Variants in ADGRL1 observed in about 807,000 individuals in gnomAD.
ADGRL1 encodes the protein CIRL-1.
Under a neutral mutation model 148.9 loss-of-function variants are expected in ADGRL1, and 31 were observed. That is an observed-to-expected ratio of 0.21 (90% confidence interval 0.16 to 0.28). ADGRL1 has a LOEUF of 0.28. ADGRL1 is among the 10% of genes least tolerant of loss of function. The pLI, the probability that ADGRL1 is intolerant of heterozygous loss-of-function variation, is 1.00. For synonymous variants in ADGRL1, 937 were observed against 900.3 expected, an observed-to-expected ratio of 1.04 and a Z score of -0.73; for missense variants, 1,521 against 2,058.8, an observed-to-expected ratio of 0.74 and a Z score of 5.05.
At position 14,157,513 on chromosome 19, in the gene ADGRL1, C is replaced by G; in HGVS notation, c.2536-53G>C. The G allele has an allele frequency of 6.4e-6, 10 of 1,566,988 alleles. No homozygotes were observed. Among genetic ancestry groups the G allele is most frequent in the Non-Finnish European group, 7.9e-6 (9 of 1,140,400 alleles). ...AGGGCCTTTGGTTTTGCACGCTGGG[C>G]TCAGCCAGGTGCCAGCCACAGACAG... On this transcript the variant is annotated intron_variant, in intron 13 of 22. Coordinates refer to ENST00000361434, the MANE Select transcript of ADGRL1 (RefSeq NM_014921.5). This position sits in a 1 kb window ranked among gnomAD's most constrained non-coding sequence, Gnocchi z 7.5.
intron 1 of ADGRL1, among the ~76,000 whole-genome samples, chr19:14,194,923 C>T (rs1341008392): frequency 1.6e-4 from 23 of 148,230 alleles, no homozygotes; most frequent in Admixed American, 1.4e-4. Context: ...CTTGCTGTGT[C>T]GCCCAGGCTG....
At chr19:14,177,881 T>C in intron 2 of ADGRL1, 137 bp from the exon 3 acceptor site, 6 of 700,382 alleles carry the variant, frequency 8.6e-6, no homozygotes, top group Non-Finnish European at 1.4e-5. Context: ...TTGATTCAGC[T>C]GTAGAATGGG....
Position 14,159,226 on chromosome 19 carries a change from A to G in ADGRL1, c.2024-11T>C. The G allele has an allele frequency of 6.2e-7, 1 of 1,613,872 alleles. No individual in the cohort carries two copies. Among genetic ancestry groups the G allele is most frequent in the Non-Finnish European group, 8.5e-7 (1 of 1,179,848 alleles). ...CTGTGACCTCCAGGACTGTGGGGAC[A>G]GGGGAAGGCAAGGCATACACAGTTG... On this transcript the variant is annotated splice_polypyrimidine_tract_variant and intron_variant, in intron 10 of 22. Transcript: ENST00000361434. This position sits in a 1 kb window ranked among gnomAD's most constrained non-coding sequence, Gnocchi z 6.0.
At chr19:14,166,612 G>T (rs1055352176) in intron 4 of ADGRL1, among the ~76,000 whole-genome samples, 1 of 151,932 alleles carries the variant, frequency 6.6e-6, no homozygotes, top group Non-Finnish European at 1.5e-5. Flanking sequence ...CAGCTCACCC[G>T]GTGCCCCAGT....
Position 14,163,007 on chromosome 19 carries a change from A to G in ADGRL1, c.794T>C (p.Leu265Pro), listed in dbSNP as rs1184716747. 6.2e-7 allele frequency: 1 copy of G among 1,614,052 alleles called. No individual in the cohort carries two copies. Reference sequence around the variant, plus strand: ...CCACAGCCCGTTCTCGTCCACCGCCAGGTCAATGTCGGTCTTTCCGCCCCA... The same window carrying G: ...CCACAGCCCGTTCTCGTCCACCGCCGGGTCAATGTCGGTCTTTCCGCCCCA... Reference protein sequence around the residue: ...YRWGGKTDIDLAVDENGLWVI... With the variant: ...YRWGGKTDIDPAVDENGLWVI... Residue 265 changes from leucine (L) to proline (P), a missense_variant, in exon 5 of 23, where the codon CTG (leucine) becomes CCG (proline). By Grantham distance (98) the Leu-to-Pro change is moderately conservative (BLOSUM62 -3). This residue lies in a region of ADGRL1 where 334 missense variants were observed against 512.5 expected (regional missense o/e 0.65). Coordinates refer to ENST00000361434, the MANE Select transcript of ADGRL1 (RefSeq NM_014921.5).
intron 1 of ADGRL1, among the ~76,000 whole-genome samples, chr19:14,184,200 C>G (rs189099303): frequency 1.3e-5 from 2 of 152,286 alleles, no homozygotes; most frequent in African/African-American, 4.8e-5. Context: ...TAATTAGAAT[C>G]CAGCTGGCGC....
At position 14,148,555 on chromosome 19, in the gene ADGRL1, C is replaced by T. The variant is rs1427782925; in HGVS notation, c.*2318G>A. On this transcript the variant is annotated 3_prime_UTR_variant, in exon 23 of 23. Transcript: ENST00000361434. The stretch of plus-strand genomic sequence containing the variant: ...TCTTCACAGACCTCTGACCACCCCT[C>T]CACACAACAGAGCTCCCAGCCTAGT... 3 of 152,702 alleles carry T rather than the reference C, an allele frequency of 2.0e-5. No individual in the cohort carries two copies. Among genetic ancestry groups the T allele is most frequent in the Non-Finnish European group, 2.9e-5 (2 of 68,332 alleles). 9.5% of individuals were successfully genotyped at this position (152,702 alleles called of 1,614,324 possible).
chr19:14,174,837 G>GTTT (rs34608406), intron 3 of ADGRL1, among the ~76,000 whole-genome samples: 11 of 110,576 alleles, frequency 9.9e-5, no homozygotes, highest in South Asian at 3.1e-4. Context: ...CACCTGGTCT[G>GTTT]TTTTTTTTTT....
In ADGRL1 at chr19:14,162,374, G is replaced by A. The variant is rs2144745502; in HGVS notation, c.1195+232C>T. The stretch of plus-strand genomic sequence containing the variant: ...AATCCCCTACCCACACAGAGCCTCA[G>A]TGTCATCTGTAAAACAGGGCAGTAA... On this transcript the variant is annotated intron_variant, in intron 5 of 22. Transcript: ENST00000361434. The surrounding 1 kb of genome is among the most constrained non-coding windows in gnomAD (Gnocchi z 5.4). Among the ~76,000 whole-genome samples the A allele has an allele frequency of 6.6e-6, 1 of 152,348 alleles. No homozygotes were observed. The highest frequency in any genetic ancestry group is 2.4e-5 in the African/African-American group (1 of 41,578).
Position 14,157,284 on chromosome 19 carries a change from G to A in ADGRL1, c.2712C>T (p.Leu904=), listed in dbSNP as rs144059709. Residue 904 remains leucine, a synonymous_variant, in exon 14 of 23, where the codon CTC becomes CTT. Transcript: ENST00000361434. The surrounding 1 kb of genome is among the most constrained non-coding windows in gnomAD (Gnocchi z 7.5). ...GAGTCTTGTCGATCCCGACCAGGAA[G>A]AGCAGCTCAGCCAGGAAGAGGTTGA... ...LCINLFLAEL[L]FLVGIDKTQY... is the part of the protein sequence containing the mutation. 155 of 1,614,040 alleles carry A rather than the reference G, an allele frequency of 9.6e-5. 1 individual carries two copies. The highest frequency in any genetic ancestry group is 1.6e-4 in the Middle Eastern group (1 of 6,084).
chr19:14,172,917 AT>A (rs1287386973), intron 3 of ADGRL1, among the ~76,000 whole-genome samples: 2 of 152,020 alleles, frequency 1.3e-5, no homozygotes, highest in African/African-American at 4.8e-5. Context: ...ACTACTAAAA[AT>A]TATTATTGTT....
Position 14,161,245 on chromosome 19 carries a change from T to C in ADGRL1, c.1510+67A>G, listed in dbSNP as rs1038302932. 15 of 1,407,602 alleles carry C rather than the reference T, an allele frequency of 1.1e-5. No individual in the cohort carries two copies. Among genetic ancestry groups the C allele is most frequent in the Admixed American group, 1.0e-4 (4 of 38,310 alleles). 87.2% of individuals were successfully genotyped at this position (1,407,602 alleles called of 1,614,324 possible). On this transcript the variant is annotated intron_variant, in intron 6 of 22. Coordinates refer to ENST00000361434, the MANE Select transcript of ADGRL1 (RefSeq NM_014921.5). The surrounding 1 kb of genome is among the most constrained non-coding windows in gnomAD (Gnocchi z 4.4). ...CGCAGTAGAGACCCCCACCCACACA[T>C]GCATCTGTGCTAAGCTGCTGGGGGC...
At position 14,157,021 on chromosome 19, in the gene ADGRL1, C is replaced by A; in HGVS notation, c.2870G>T (p.Arg957Leu). Residue 957 changes from arginine (R) to leucine (L), a missense_variant, in exon 15 of 23, where the codon CGC becomes CTC. Transcript: ENST00000361434. The surrounding 1 kb of genome is among the most constrained non-coding windows in gnomAD (Gnocchi z 7.5). ...LVEVFESEYS[R>L]TKYYYLGGYC... is the part of the protein sequence containing the mutation. ...GCCACCCAGGTAGTAGTACTTGGTG[C>A]GGGAATACTCGCTCTCAAACACCTC... 2 of 1,613,826 alleles carry A rather than the reference C, an allele frequency of 1.2e-6. No homozygotes were observed. Among genetic ancestry groups the A allele is most frequent in the African/African-American group, 2.7e-5 (2 of 74,974 alleles).
In ADGRL1 at chr19:14,187,195, C is replaced by T. The variant is rs12459047; in HGVS notation, c.-95-3498G>A. On this transcript the variant is annotated intron_variant, in intron 1 of 22. Transcript: ENST00000361434. Reference sequence around the variant, plus strand: ...CTACTAAAAATACCAAAAAATTAGCCGGGCGTGGTGGCGGGTGCCTGTAAT... The same window carrying T: ...CTACTAAAAATACCAAAAAATTAGCTGGGCGTGGTGGCGGGTGCCTGTAAT... Among the ~76,000 whole-genome samples, 1,036 of 152,090 alleles carry T rather than the reference C, an allele frequency of 6.8e-3. 9 individuals carry two copies. The highest frequency in any genetic ancestry group is 0.022 in the African/African-American group (914 of 41,482).
At chr19:14,183,427 G>A in intron 2 of ADGRL1, 106 bp downstream of exon 2, 3 of 1,053,152 alleles carry the variant, frequency 2.8e-6, no homozygotes, top group Admixed American at 2.2e-5. Flanking sequence ...CGGGGCAGGG[G>A]GCTGTAATTC....
In ADGRL1 at chr19:14,158,323, G is replaced by A. The variant is rs758535101; in HGVS notation, c.2364+15C>T. ...ACAGGGACCCCCATGGAGGGAGGGGGACGGCTCAGCTCACCTCCAGGTGGG... is the reference window on the plus strand; with the variant it reads ...ACAGGGACCCCCATGGAGGGAGGGGAACGGCTCAGCTCACCTCCAGGTGGG... On this transcript the variant is annotated intron_variant, in intron 12 of 22. Coordinates refer to ENST00000361434, the MANE Select transcript of ADGRL1 (RefSeq NM_014921.5). 4.3e-6 allele frequency: 7 copies of A among 1,611,762 alleles called. No homozygotes were observed. Among genetic ancestry groups the A allele is most frequent in the African/African-American group, 1.3e-5 (1 of 74,884 alleles).
In ADGRL1 at chr19:14,163,227, C is replaced by T. The variant is rs766102420; in HGVS notation, c.574G>A (p.Val192Met). Residue 192 changes from valine to methionine, a missense_variant, in exon 5 of 23, where the codon GTG becomes ATG. By Grantham distance (21) the Val-to-Met change is conservative (BLOSUM62 1). Coordinates refer to ENST00000361434, the MANE Select transcript of ADGRL1 (RefSeq NM_014921.5). ...TAGGTGGTGGTGTGGCGGGCGGCCA[C>T]GTAGTCCTCCCACGAGGCATACTCA... is the stretch of plus-strand genomic sequence containing the variant. ...LTEYASWEDYVAARHTTTYRL... is the reference protein window; with the variant it reads ...LTEYASWEDYMAARHTTTYRL... 1.2e-5 allele frequency: 20 copies of T among 1,613,308 alleles called. No homozygotes were observed. The highest frequency in any genetic ancestry group is 2.7e-5 in the African/African-American group (2 of 74,936).
intron 1 of ADGRL1, among the ~76,000 whole-genome samples, chr19:14,193,284 A>C (rs1025737454): frequency 4.0e-5 from 6 of 150,918 alleles, no homozygotes; most frequent in Non-Finnish European, 7.4e-5. Flanking sequence ...AAAAAAAAAA[A>C]AAAAAAAAAC....
intron 22 of ADGRL1, among the ~76,000 whole-genome samples, 176 bp downstream of exon 22, chr19:14,151,957 A>G (rs987881328): frequency 2.6e-5 from 4 of 152,238 alleles, no homozygotes; most frequent in East Asian, 1.9e-4. Flanking sequence ...CCCAAACTCA[A>G]TGAACACCAT....
Sources: allele counts gnomAD v4.1 joint callset (sites outside exome capture counted in the v4.1 genomes callset), GRCh38; gene constraint gnomAD v4.1.1; regional missense constraint gnomAD v4.1.1; non-coding constraint Gnocchi (gnomAD v3.1); transcripts MANE v1.5; gene names NCBI Gene and HGNC (gene_info 2026-07-23, HGNC 2026-07-21).